Variants in GNRH1 observed in about 807,000 individuals in gnomAD.
GNRH1 encodes the protein gonadotropin releasing hormone 1.
In GNRH1, 9 loss-of-function variants were observed where a neutral mutation model predicts 13.6. That is an observed-to-expected ratio of 0.66 (90% CI 0.40 to 1.15). The LOEUF (loss-of-function observed/expected upper bound fraction) is 1.15. Ranked by LOEUF, GNRH1 falls within the 50% of genes most tolerant of loss-of-function variation. GNRH1 has a pLI of 0.01. For missense variants in GNRH1, 116 were observed against 110.8 expected, an observed-to-expected ratio of 1.05 and a Z score of -0.21; for synonymous variants, 44 against 40.1, an observed-to-expected ratio of 1.10 and a Z score of -0.37.
Position 25,419,438 on chromosome 8 carries a change from G to A in GNRH1, c.260C>T (p.Thr87Ile), listed in dbSNP as rs1365609051. 5.4e-6 allele frequency: 8 copies of A among 1,487,586 alleles called. No homozygotes were observed. Among genetic ancestry groups the A allele is most frequent in the Non-Finnish European group, 7.5e-6 (8 of 1,064,952 alleles). The allele number at this position is 1,487,586 out of a possible 1,614,324, so 92.1% of individuals were successfully genotyped here. A position where few individuals can be genotyped will look rare whatever the true frequency, so the allele number is the denominator to read the frequency against. The change falls in exon 4 of 4, where the codon ACT becomes ATT. Residue 87 changes from threonine to isoleucine, a missense_variant. Transcript: ENST00000421054. ...ATGGATTTAAATCTTCTTCTGCCCAGTTTCCTCTTCAATCAGACTTTCCTG... is the reference window on the plus strand; with the variant it reads ...ATGGATTTAAATCTTCTTCTGCCCAATTTCCTCTTCAATCAGACTTTCCTG... ...GALESLIEEE[T>I]GQKKI
intron 1 of GNRH1, chr8:25,423,569 C>T (rs1801804039): frequency 1.7e-5 from 9 of 545,020 alleles, no homozygotes. Flanking sequence ...CTTTTTAGTA[C>T]TAAAATAGTC....
intron 3 of GNRH1, 141 bp downstream of exon 3, chr8:25,421,432 G>A (rs185497023): frequency 4.5e-4 from 255 of 564,612 alleles, no homozygotes; most frequent in African/African-American, 3.9e-3. Context: ...CATGAAACAC[G>A]GTCCTACCAC....
At chr8:25,421,046 ACT>A (rs1339518380) in intron 3 of GNRH1, among the ~76,000 whole-genome samples, 1 of 151,952 alleles carries the variant, frequency 6.6e-6, no homozygotes, top group Non-Finnish European at 1.5e-5. Flanking sequence ...CAAGTCCATC[ACT>A]CTCTAAATTA....
intron 3 of GNRH1, among the ~76,000 whole-genome samples, chr8:25,419,998 GA>G (rs1399530490): frequency 6.6e-6 from 1 of 151,676 alleles, no homozygotes; most frequent in African/African-American, 2.4e-5. Flanking sequence ...GGAAGGAAGT[GA>G]AAAAAAAGTC....
At chr8:25,422,691 A>T (rs1312960562) in intron 2 of GNRH1, among the ~76,000 whole-genome samples, 1 of 152,200 alleles carries the variant, frequency 6.6e-6, no homozygotes, top group Non-Finnish European at 1.5e-5. Context: ...CCTGTATTCT[A>T]CCAGTCTCCA....
chr8:25,424,951 A>C (rs189563909), upstream of GNRH1, among the ~76,000 whole-genome samples: 2 of 152,332 alleles, frequency 1.3e-5, no homozygotes, highest in South Asian at 4.1e-4. Flanking sequence ...GCAGACTTAC[A>C]TCAACAGATC....
chr8:25,424,317 A>G (rs921750665), upstream of GNRH1: 3 of 147,480 alleles, frequency 2.0e-5, no homozygotes, highest in Admixed American at 2.0e-4. Context: ...GGACATTGAA[A>G]TCTTTCCTGC....
chr8:25,421,538 T>C (rs1801772669), intron 3 of GNRH1, 35 bp downstream of exon 3: 2 of 1,080,490 alleles, frequency 1.9e-6, no homozygotes, highest in Admixed American at 3.5e-5. Context: ...TCTAGAGCTC[T>C]ATGCTGTGAT....
chr8:25,422,652 G>A (rs1306054736), intron 2 of GNRH1, among the ~76,000 whole-genome samples: 1 of 152,066 alleles, frequency 6.6e-6, no homozygotes, highest in Non-Finnish European at 1.5e-5. Flanking sequence ...TTTCTACTAC[G>A]TTATCTTATC....
intron 2 of GNRH1, 103 bp downstream of exon 2, chr8:25,423,087 G>T: frequency 3.3e-6 from 3 of 911,604 alleles, no homozygotes; most frequent in Non-Finnish European, 5.5e-6. Context: ...AGCATCTAGG[G>T]TACAACATCA....
intron 2 of GNRH1, 29 bp downstream of exon 2, chr8:25,423,161 G>A: frequency 6.7e-7 from 1 of 1,494,280 alleles, no homozygotes; most frequent in South Asian, 1.1e-5. Flanking sequence ...AAATCACTAT[G>A]TCTTATTTTG....
At chr8:25,423,362 A>G in intron 1 of GNRH1, 31 bp from the exon 2 acceptor site, 1 of 1,603,478 alleles carries the variant, frequency 6.2e-7, no homozygotes, top group East Asian at 2.2e-5. Context: ...ATCAAATTAG[A>G]TCCAGACAAG....
chr8:25,422,738 A>G (rs543160261), intron 2 of GNRH1, among the ~76,000 whole-genome samples: 17 of 152,270 alleles, frequency 1.1e-4, no homozygotes, highest in African/African-American at 3.1e-4. Context: ...AAAAGAAATT[A>G]TAGGGCATGC....
intron 2 of GNRH1, among the ~76,000 whole-genome samples, chr8:25,422,893 C>T (rs552888970): frequency 2.8e-4 from 42 of 152,256 alleles, no homozygotes; most frequent in Non-Finnish European, 5.4e-4. Context: ...TGATACAGAC[C>T]TTGACCCTAT....
At position 25,422,489 on chromosome 8, in the gene GNRH1, A is replaced by G. The variant is rs972405097; in HGVS notation, c.141+701T>C. On this transcript the variant is annotated intron_variant, in intron 2 of 3. Transcript: ENST00000421054. Reference sequence around the variant, plus strand: ...CTTGAGCCCAAGAAGTCAAGGCTGCAGTGAGCTGTGATCGTGCCACTAAAT... The same window carrying G: ...CTTGAGCCCAAGAAGTCAAGGCTGCGGTGAGCTGTGATCGTGCCACTAAAT... Among the ~76,000 whole-genome samples the G allele has an allele frequency of 4.6e-5, 7 of 152,334 alleles. No individual in the cohort carries two copies. In the South Asian group the frequency reaches 1.4e-3, roughly 32 times the overall value.
chr8:25,422,013 G>A (rs1801780970), intron 2 of GNRH1, among the ~76,000 whole-genome samples: 1 of 151,852 alleles, frequency 6.6e-6, no homozygotes, highest in African/African-American at 2.4e-5. Flanking sequence ...AAAAAAGGTT[G>A]GTTTTTATTT....
chr8:25,420,070 G>A (rs1255657752), intron 3 of GNRH1, among the ~76,000 whole-genome samples: 1 of 152,180 alleles, frequency 6.6e-6, no homozygotes, highest in Non-Finnish European at 1.5e-5. Flanking sequence ...TGTCATGTTT[G>A]ACAAATTTCA....
At chr8:25,424,564 C>T (rs1346239203), upstream of GNRH1, 2 of 152,150 alleles carry the variant, frequency 1.3e-5, no homozygotes, top group Non-Finnish European at 2.9e-5. Context: ...GCAGACCTAT[C>T]AAGAGTTCAA....
intron 3 of GNRH1, among the ~76,000 whole-genome samples, chr8:25,420,809 C>T (rs2117366915): frequency 6.6e-6 from 1 of 152,240 alleles, no homozygotes; most frequent in African/African-American, 2.4e-5. Flanking sequence ...TCCAGAATTG[C>T]TTGAGCCTGG....
Sources: gnomAD v4.1 joint callset for allele counts (sites outside exome capture counted in the v4.1 genomes callset) on GRCh38, gnomAD v4.1.1 for gene constraint, MANE v1.5 for transcripts, NCBI Gene and HGNC (gene_info 2026-07-23, HGNC 2026-07-21) for gene names.